The following TEX9 variants were observed in gnomAD, a reference collection of about 807,000 sequenced individuals.
TEX9 encodes the protein testis expressed 9.
TEX9 carries 74 observed loss-of-function variants against 59.6 expected under a neutral mutation model. The ratio of observed to expected loss-of-function variants is 1.24; its 90% CI spans 1.03 to 1.51. The LOEUF (loss-of-function observed/expected upper bound fraction) is 1.51. TEX9 is among the 40% of genes most tolerant of loss of function. The probability of loss-of-function intolerance (pLI) is 0.00; values close to 1 mark genes in which losing one functional copy is unlikely to be tolerated. For synonymous variants in TEX9, 186 were observed against 152.2 expected, an observed-to-expected ratio of 1.22 and a Z score of -1.64; for missense variants, 522 against 447.8, an observed-to-expected ratio of 1.17 and a Z score of -1.49.
intron 10 of TEX9, among the ~76,000 whole-genome samples, chr15:56,425,122 G>A (rs2140262790): frequency 6.6e-6 from 1 of 152,054 alleles, no homozygotes; most frequent in Admixed American, 6.6e-5. Context: ...TCTTACAGAT[G>A]CTCCCTTGCA....
chr15:56,446,222 C>T (rs2050901320), downstream of TEX9, among the ~76,000 whole-genome samples: 1 of 151,826 alleles, frequency 6.6e-6, no homozygotes, highest in Non-Finnish European at 1.5e-5. Context: ...TATAATTGGC[C>T]CTTCTGTTTG....
intron 1 of TEX9, among the ~76,000 whole-genome samples, chr15:56,325,742 T>C (rs1486843068): frequency 6.6e-6 from 1 of 152,224 alleles, no homozygotes; most frequent in East Asian, 1.9e-4. Context: ...TTTGAAATGC[T>C]ACAACTGAGT....
At chr15:56,406,176 C>T (rs924168489) in intron 9 of TEX9, among the ~76,000 whole-genome samples, 1 of 152,104 alleles carries the variant, frequency 6.6e-6, no homozygotes, top group African/African-American at 2.4e-5. Context: ...TTAGATTTTC[C>T]TTTTCTAAAA....
At chr15:56,306,306 G>T (rs1455000599) in intron 1 of TEX9, among the ~76,000 whole-genome samples, 3 of 140,956 alleles carry the variant, frequency 2.1e-5, no homozygotes, top group African/African-American at 7.8e-5. Flanking sequence ...AGAGATATCT[G>T]CACTTCCATG....
upstream of TEX9, among the ~76,000 whole-genome samples, chr15:56,364,999 C>T (rs1237814073): frequency 2.6e-5 from 4 of 152,150 alleles, no homozygotes; most frequent in African/African-American, 9.7e-5. Flanking sequence ...AACTTGAGAG[C>T]CTGAGTCTTA....
rs2081112176 is a variant in TEX9 at position 56,251,754 on chromosome 15, A to G, written c.-107+7476A>G. ...CCCAGGGAATGATAGAAGCTGAGTAAATTTCCTCATGGAGCACCAGAGAAA... is the reference window on the plus strand; with the variant it reads ...CCCAGGGAATGATAGAAGCTGAGTAGATTTCCTCATGGAGCACCAGAGAAA... On this transcript the variant is annotated intron_variant, in intron 1 of 5. Transcript: ENST00000560827. Among the ~76,000 whole-genome samples the G allele has an allele frequency of 2.6e-5, 4 of 152,194 alleles. No homozygotes were observed. The South Asian group carries it at 6.2e-4, about 24-fold the overall frequency.
intron 1 of TEX9, among the ~76,000 whole-genome samples, chr15:56,322,841 G>A (rs1156420437): frequency 9.1e-6 from 1 of 109,998 alleles, no homozygotes. Context: ...TCACATTACA[G>A]TAAAAAAATA....
At chr15:56,271,234 G>A (rs931491747) in intron 1 of TEX9, among the ~76,000 whole-genome samples, 4 of 151,986 alleles carry the variant, frequency 2.6e-5, no homozygotes, top group Non-Finnish European at 5.9e-5. Flanking sequence ...GAGTATTTTC[G>A]AGCTTGGTTC....
chr15:56,371,729 G>A (rs1320821502), intron 2 of TEX9, among the ~76,000 whole-genome samples: 2 of 152,004 alleles, frequency 1.3e-5, no homozygotes, highest in Admixed American at 6.6e-5. Flanking sequence ...TTGATTCCAC[G>A]TCAGCTTTCT....
chr15:56,408,901 T>A (rs62022130), intron 9 of TEX9: 1 of 152,222 alleles, frequency 6.6e-6, no homozygotes, highest in Non-Finnish European at 1.5e-5. Flanking sequence ...GTAATCCTTA[T>A]AAAATTTAAG....
At chr15:56,370,454 A>C (rs1380779289) in intron 2 of TEX9, among the ~76,000 whole-genome samples, 1 of 152,178 alleles carries the variant, frequency 6.6e-6, no homozygotes, top group Non-Finnish European at 1.5e-5. Context: ...CCTGAGTCTT[A>C]AACTCTCCAG....
At chr15:56,322,885 C>T (rs1333674916) in intron 1 of TEX9, among the ~76,000 whole-genome samples, 1 of 151,770 alleles carries the variant, frequency 6.6e-6, no homozygotes, top group East Asian at 1.9e-4. Context: ...GGGAATGATG[C>T]TAAGAGTATA....
intron 1 of TEX9, among the ~76,000 whole-genome samples, chr15:56,286,435 A>G (rs2044955448): frequency 6.6e-6 from 1 of 152,164 alleles, no homozygotes. Context: ...GCGGCAGCAG[A>G]GAGAAAGAGA....
chr15:56,440,355 A>G (rs1349017481), intron 12 of TEX9, among the ~76,000 whole-genome samples: 1 of 152,226 alleles, frequency 6.6e-6, no homozygotes, highest in Non-Finnish European at 1.5e-5. Flanking sequence ...CGTAACTCAT[A>G]TATTTCTGAT....
chr15:56,350,707 C>A (rs1392025882), intron 1 of TEX9, among the ~76,000 whole-genome samples: 1 of 151,974 alleles, frequency 6.6e-6, no homozygotes, highest in Non-Finnish European at 1.5e-5. Flanking sequence ...TTTTTTTATT[C>A]ATTTCGCTAG....
At chr15:56,294,100 A>G (rs2141521793) in intron 1 of TEX9, among the ~76,000 whole-genome samples, 1 of 152,174 alleles carries the variant, frequency 6.6e-6, no homozygotes. Flanking sequence ...TATCTCTACT[A>G]CCCCTGGTGC....
rs138313117 is a variant in TEX9, at chr15:56,273,517, A to C, written c.-107+29239A>C. Among the ~76,000 whole-genome samples, 281 of 152,328 alleles carry C rather than the reference A, an allele frequency of 1.8e-3. 1 individual carries two copies. Among genetic ancestry groups the C allele is most frequent in the African/African-American group, 6.5e-3 (271 of 41,586 alleles). On this transcript the variant is annotated intron_variant, in intron 1 of 5. Transcript: ENST00000560827. ...AGTAGTCTTTCTATTATTTGCTTTA[A>C]ATAGTTGGCTATCTTTTAGAGCAAT...
intron 2 of TEX9, among the ~76,000 whole-genome samples, chr15:56,366,291 A>T (rs1027592884): frequency 1.3e-5 from 2 of 152,102 alleles, no homozygotes; most frequent in Non-Finnish European, 1.5e-5. Flanking sequence ...TTCCTGTTGC[A>T]TTTCAAAAGC....
At chr15:56,367,426 G>A (rs1232729883) in intron 2 of TEX9, among the ~76,000 whole-genome samples, 7 of 152,166 alleles carry the variant, frequency 4.6e-5, no homozygotes, top group Non-Finnish European at 7.4e-5. Flanking sequence ...ACTTCCCAGG[G>A]ACCTCAATCC....
Sources: gnomAD v4.1 joint callset for allele counts (sites outside exome capture counted in the v4.1 genomes callset) on GRCh38, gnomAD v4.1.1 for gene constraint, MANE v1.5 for transcripts, NCBI Gene and HGNC (gene_info 2026-07-23, HGNC 2026-07-21) for gene names.